Variants in MYBBP1A observed in about 807,000 individuals in gnomAD.
MYBBP1A encodes myb-binding protein 1A.
Under a neutral mutation model 136.3 loss-of-function variants are expected in MYBBP1A, and 147 were observed. The observed-to-expected ratio is 1.08, with a 90% CI of 0.94 to 1.24. MYBBP1A has a LOEUF of 1.24. MYBBP1A is among the 50% of genes most tolerant of loss of function. The pLI is 0.00. For synonymous variants in MYBBP1A, 947 were observed against 735.8 expected, an observed-to-expected ratio of 1.29 and a Z score of -4.65; for missense variants, 2,060 against 1,727.4, an observed-to-expected ratio of 1.19 and a Z score of -3.41.
In MYBBP1A at chr17:4,552,415, C is replaced by G. The variant is rs746967353; in HGVS notation, c.737+36G>C. 6.2e-6 allele frequency: 10 copies of G among 1,607,668 alleles called. No homozygotes were observed. The highest frequency in any genetic ancestry group is 8.5e-6 in the Non-Finnish European group (10 of 1,177,902). On this transcript the variant is annotated intron_variant, in intron 6 of 25. Transcript: ENST00000254718. The surrounding 1 kb of genome is among the most constrained non-coding windows in gnomAD (Gnocchi z 4.7). ...GGCCTGGCCAGATGCAGTCCCTTGGCCCCAGGGAGGGCAAATCCGCCCACC... is the reference window on the plus strand; with the variant it reads ...GGCCTGGCCAGATGCAGTCCCTTGGGCCCAGGGAGGGCAAATCCGCCCACC...
chr17:4,541,655 C>A (rs777192085), intron 23 of MYBBP1A, 91 bp from the exon 24 acceptor site: 6 of 1,473,690 alleles, frequency 4.1e-6, no homozygotes, highest in South Asian at 1.1e-5. Flanking sequence ...AGGCAGGGAC[C>A]GTCTCCTGGG....
At chr17:4,542,834 T>C (rs1906578941) in intron 20 of MYBBP1A, 79 bp downstream of exon 20, 2 of 1,602,714 alleles carry the variant, frequency 1.2e-6, no homozygotes, top group African/African-American at 2.7e-5. Context: ...AGGCTGAGGG[T>C]TGGGCCCTGG....
intron 9 of MYBBP1A, 24 bp downstream of exon 9, chr17:4,550,034 T>C: frequency 6.3e-7 from 1 of 1,584,688 alleles, no homozygotes; most frequent in South Asian, 1.1e-5. Context: ...CTAAATTAGG[T>C]GTCCTCCCCC....
At chr17:4,543,846 G>C (rs528510670) in intron 19 of MYBBP1A, among the ~76,000 whole-genome samples, 29 of 151,580 alleles carry the variant, frequency 1.9e-4, no homozygotes, top group Admixed American at 9.2e-4. Flanking sequence ...CCTTCTCCAC[G>C]CTGCCAGCCG....
In MYBBP1A at chr17:4,541,858, G is replaced by A. The variant is rs758091815; in HGVS notation, c.3121C>T (p.Arg1041Trp). The A allele has an allele frequency of 9.4e-5, 151 of 1,613,802 alleles. No homozygotes were observed. Among genetic ancestry groups the A allele is most frequent in the Non-Finnish European group, 1.2e-4 (141 of 1,180,006 alleles). ...TCCTCAAAGCACGACCTCACCTCCCGCATGGACAGGGTCTTCTGGAGCAGC... is the reference window on the plus strand; with the variant it reads ...TCCTCAAAGCACGACCTCACCTCCCACATGGACAGGGTCTTCTGGAGCAGC... ...CLLLQKTLSM[R>W]EVRSCFEDPE... The change falls in exon 23 of 26, where the codon CGG (arginine) becomes TGG (tryptophan). Residue 1041 changes from arginine (R) to tryptophan (W), a missense_variant. Arg to Trp is a moderately radical substitution (Grantham distance 101, BLOSUM62 -3). Transcript: ENST00000254718.
At chr17:4,544,724 G>T (rs758564590) in intron 18 of MYBBP1A, 27 bp downstream of exon 18, 5 of 1,509,912 alleles carry the variant, frequency 3.3e-6, no homozygotes, top group African/African-American at 1.4e-5. Context: ...GGAGGCGGGG[G>T]TGGGTGCGGC....
intron 5 of MYBBP1A, among the ~76,000 whole-genome samples, chr17:4,553,535 A>G (rs1907721926): frequency 6.6e-6 from 1 of 152,226 alleles, no homozygotes; most frequent in South Asian, 2.1e-4. Flanking sequence ...GATTTTGGAG[A>G]CACCTGACAA....
chr17:4,540,663 G>A (rs113519235), intron 24 of MYBBP1A, among the ~76,000 whole-genome samples, 179 bp from the exon 25 acceptor site: 67 of 148,574 alleles, frequency 4.5e-4, no homozygotes, highest in Middle Eastern at 3.4e-3. Context: ...GAGGAAACAC[G>A]CGCCCCAGGT....
At position 4,548,132 on chromosome 17, in the gene MYBBP1A, C is replaced by A. The variant is rs777339173; in HGVS notation, c.1724+11G>T. On this transcript the variant is annotated intron_variant, in intron 12 of 25. Transcript: ENST00000254718. This position sits in a 1 kb window ranked among gnomAD's most constrained non-coding sequence, Gnocchi z 4.2. ...CGTCCTGCCCACCCCCTGGAAATCC[C>A]ACGTGCTCACCGGTCCCAGGCCTGG... is the stretch of plus-strand genomic sequence containing the variant. The A allele has an allele frequency of 6.2e-7, 1 of 1,604,394 alleles. No individual in the cohort carries two copies. Among genetic ancestry groups the A allele is most frequent in the African/African-American group, 1.3e-5 (1 of 75,042 alleles).
intron 5 of MYBBP1A, among the ~76,000 whole-genome samples, chr17:4,553,490 G>A (rs1376200253): frequency 1.3e-5 from 2 of 152,238 alleles, no homozygotes; most frequent in Non-Finnish European, 2.9e-5. Context: ...TGGCTAATCT[G>A]AACAGGGGTG....
In MYBBP1A at chr17:4,549,312, G is replaced by A. The variant is rs980489992; in HGVS notation, c.1430+20C>T. 8.1e-6 allele frequency: 13 copies of A among 1,604,476 alleles called. No individual in the cohort carries two copies. Among genetic ancestry groups the A allele is most frequent in the Non-Finnish European group, 1.1e-5 (13 of 1,177,290 alleles). ...TGGCCACACGCCCATGGGAAGCTGG[G>A]AATCCAGCACAGCTCGCACCTGGCC... is the stretch of plus-strand genomic sequence containing the variant. On this transcript the variant is annotated intron_variant, in intron 10 of 25. Transcript: ENST00000254718.
intron 13 of MYBBP1A, chr17:4,547,757 A>G: frequency 2.0e-6 from 1 of 493,118 alleles, no homozygotes; most frequent in Admixed American, 3.7e-5. Flanking sequence ...CCTGCATGGA[A>G]AGCCTAGGAC....
intron 9 of MYBBP1A, 76 bp downstream of exon 9, chr17:4,549,982 G>A (rs569825639): frequency 2.0e-4 from 298 of 1,483,228 alleles, no homozygotes; most frequent in East Asian, 2.7e-4. Context: ...TGTGGAGGGC[G>A]GGCTTGGGTC....
rs79714127 is a variant in MYBBP1A, at chr17:4,541,180, C to A, written c.3297+283G>T. On this transcript the variant is annotated intron_variant, in intron 24 of 25. Coordinates refer to ENST00000254718, the MANE Select transcript of MYBBP1A (RefSeq NM_014520.4). ...TCCACAGTCTCCAGCCCTGCCAGCC[C>A]CTTCTCGGCTTTCTCACGGGATGTG... 7.9e-3 allele frequency among the ~76,000 whole-genome samples: 1,202 copies of A among 152,386 alleles called. 11 individuals carry two copies. Among genetic ancestry groups the A allele is most frequent in the African/African-American group, 0.028 (1,152 of 41,598 alleles).
Position 4,552,514 on chromosome 17 carries a change from A to G in MYBBP1A, c.674T>C (p.Val225Ala), listed in dbSNP as rs1907615176. The G allele has an allele frequency of 1.2e-6, 2 of 1,613,876 alleles. No individual in the cohort carries two copies. The highest frequency in any genetic ancestry group is 1.7e-6 in the Non-Finnish European group (2 of 1,180,020). The change falls in exon 6 of 26, where the codon GTG (valine) becomes GCG (alanine). Residue 225 changes from valine to alanine, a missense_variant. By Grantham distance (64) the Val-to-Ala change is moderately conservative. Coordinates refer to ENST00000254718, the MANE Select transcript of MYBBP1A (RefSeq NM_014520.4). The surrounding 1 kb of genome is among the most constrained non-coding windows in gnomAD (Gnocchi z 4.7). ...CACCAGCTTCTTGAGCTTGGAGGGC[A>G]CCTTCTGCTGGGCCAGGAGGAAGAG... ...LELFLLAQQK[V>A]PSKLKKLVGS...
At position 4,549,785 on chromosome 17, in the gene MYBBP1A, CAAAAAAAAAAAA is replaced by C. The variant is rs60360356; in HGVS notation, c.1319+261_1319+272del. On this transcript the variant is annotated intron_variant, in intron 9 of 25. Transcript: ENST00000254718. ...TAGGCCACAGAGAGTGAGACTCTGTCAAAAAAAAAAAAAAAAAAAAAAAAGAACCAGCAAAAA... is the reference window on the plus strand; with the variant it reads ...TAGGCCACAGAGAGTGAGACTCTGTCAAAAAAAAAAAAGAACCAGCAAAAA... 3.5e-4 allele frequency among the ~76,000 whole-genome samples: 23 copies of C among 65,400 alleles called. No individual in the cohort carries two copies. The East Asian group carries it at 5.1e-3, about 14-fold the overall frequency. The allele number at this position is 65,400 out of a possible 152,430, so 42.9% of individuals were successfully genotyped here. A position where few individuals can be genotyped will look rare whatever the true frequency, so the allele number is the denominator to read the frequency against.
In MYBBP1A at chr17:4,540,383, G is replaced by A. The variant is rs202063799; in HGVS notation, c.3399C>T (p.Asp1133=). ...GGGTTTTCATGGCCTGCCAGTAGAG[G>A]TCGTGCAGGCGGCTGGAGCCGGTGG... ...AHSTGSSRLH[D]LYWQAMKTLG... is the part of the protein sequence containing the mutation. Residue 1133 remains aspartate (D), a synonymous_variant, in exon 25 of 26, where the codon GAC becomes GAT. Transcript: ENST00000254718. 98 of 1,609,868 alleles carry A rather than the reference G, an allele frequency of 6.1e-5. No individual in the cohort carries two copies. The highest frequency in any genetic ancestry group is 4.4e-5 in the Non-Finnish European group (52 of 1,179,812).
At chr17:4,550,391 A>AG (rs751842512) in intron 8 of MYBBP1A, 38 bp from the exon 9 acceptor site, 8 of 1,573,400 alleles carry the variant, frequency 5.1e-6, no homozygotes, top group African/African-American at 4.1e-5. Context: ...CCACCAGCCC[A>AG]GGGGGGCAGG....
intron 8 of MYBBP1A, 55 bp downstream of exon 8, chr17:4,551,825 G>T: frequency 6.6e-7 from 1 of 1,520,546 alleles, no homozygotes; most frequent in Non-Finnish European, 9.1e-7. Flanking sequence ...TTTTGGCAGG[G>T]AGAGCTCCAC....
Sources: allele counts gnomAD v4.1 joint callset (sites outside exome capture counted in the v4.1 genomes callset), GRCh38; gene constraint gnomAD v4.1.1; non-coding constraint Gnocchi (gnomAD v3.1); transcripts MANE v1.5; gene names NCBI Gene and HGNC (gene_info 2026-07-23, HGNC 2026-07-21).